RPS6KA6: variants seen among roughly 807,000 people sequenced by gnomAD.
The protein encoded by RPS6KA6 is ribosomal protein S6 kinase alpha-6.
Under a neutral mutation model 65.4 loss-of-function variants are expected in RPS6KA6, and 27 were observed. The observed-to-expected ratio is 0.41, with a 90% confidence interval of 0.30 to 0.57. The LOEUF (loss-of-function observed/expected upper bound fraction) is 0.57, where lower values mean the gene tolerates loss of function less well. Among genes scored for constraint, RPS6KA6 ranks in the 20% least tolerant of loss-of-function variants. The pLI, the probability that RPS6KA6 is intolerant of heterozygous loss-of-function variation, is 0.24. For synonymous variants in RPS6KA6, 190 were observed against 184.2 expected (o/e 1.03, Z -0.26); for missense variants, 486 against 555.6 (o/e 0.87, Z 1.26).
At chrX:84,082,767 G>A (rs1389942379) in intron 20 of RPS6KA6, among the ~76,000 whole-genome samples, 1 of 111,192 alleles carries the variant, frequency 9.0e-6, no homozygotes, top group African/African-American at 3.3e-5. Context: ...CAACGAAACA[G>A]AACAGGGGCC....
At chrX:84,083,600 T>C (rs1303374353) in intron 20 of RPS6KA6, among the ~76,000 whole-genome samples, 1 of 112,616 alleles carries the variant, frequency 8.9e-6, no homozygotes, top group African/African-American at 3.2e-5. Flanking sequence ...ATGTACCACA[T>C]TTTCTTTATC....
intron 20 of RPS6KA6, among the ~76,000 whole-genome samples, chrX:84,089,674 A>C (rs1484226445): frequency 9.0e-6 from 1 of 110,736 alleles, no homozygotes; most frequent in Non-Finnish European, 1.9e-5. Context: ...GGGGTCACAC[A>C]ATCGCTCACC....
chrX:84,080,908 AAAG>A (rs1256835831), intron 20 of RPS6KA6, among the ~76,000 whole-genome samples: 1 of 111,778 alleles, frequency 8.9e-6, no homozygotes, highest in Non-Finnish European at 1.9e-5. Flanking sequence ...AGGCAGAAAT[AAAG>A]AAGTTCTTTG....
In RPS6KA6 at chrX:84,082,428, T is replaced by G. The variant is rs151181734; in HGVS notation, c.1971+13766A>C. On this transcript the variant is annotated intron_variant, in intron 20 of 21. Transcript: ENST00000262752. ...CTCTTCAAGGAGAACTATAAACCACTGCTCAAGGAAATAAGAGAGGACACA... is the reference window on the plus strand; with the variant it reads ...CTCTTCAAGGAGAACTATAAACCACGGCTCAAGGAAATAAGAGAGGACACA... 3.4e-3 allele frequency among the ~76,000 whole-genome samples: 375 copies of G among 111,561 alleles called. 2 individuals are homozygous for G. Among genetic ancestry groups the G allele is most frequent in the East Asian group, 8.7e-3 (31 of 3,549 alleles).
At chrX:84,097,878 TACTC>T (rs2034187738) in intron 18 of RPS6KA6, 30 bp from the exon 19 acceptor site, 10 of 987,005 alleles carry the variant, frequency 1.0e-5, no homozygotes, top group African/African-American at 1.9e-5. Flanking sequence ...TATATGGTGT[TACTC>T]AATATAAACT....
chrX:84,100,282 A>G (rs2034234182), intron 18 of RPS6KA6, among the ~76,000 whole-genome samples: 1 of 111,052 alleles, frequency 9.0e-6, no homozygotes, highest in South Asian at 3.7e-4. Flanking sequence ...GTCTTACTAC[A>G]GTGTACGTCT....
At chrX:84,146,225 A>G (rs774758771) in intron 5 of RPS6KA6, among the ~76,000 whole-genome samples, 1 of 111,686 alleles carries the variant, frequency 9.0e-6, no homozygotes, top group Non-Finnish European at 1.9e-5. Context: ...TTCTGTTAGT[A>G]TAACAAGGAG....
In RPS6KA6 at chrX:84,166,147, G is replaced by A. The variant is rs763790648; in HGVS notation, c.82-1760C>T. Among the ~76,000 whole-genome samples the A allele has an allele frequency of 2.7e-5, 3 of 112,032 alleles. No individual in the cohort carries two copies. The East Asian group carries it at 8.4e-4, about 31-fold the overall frequency. Reference sequence around the variant, plus strand: ...CAATGAGTGGCACATGCAGAGTGCTGACCCAAACTCTCTGAAAACTGAATT... The same window carrying A: ...CAATGAGTGGCACATGCAGAGTGCTAACCCAAACTCTCTGAAAACTGAATT... On this transcript the variant is annotated intron_variant, in intron 1 of 21. Coordinates refer to ENST00000262752, the MANE Select transcript of RPS6KA6 (RefSeq NM_014496.5).
chrX:84,170,368 G>A (rs1044274511), intron 1 of RPS6KA6, among the ~76,000 whole-genome samples: 3 of 110,523 alleles, frequency 2.7e-5, no homozygotes, highest in Middle Eastern at 4.6e-3. Context: ...AGTGGCTCAC[G>A]TCTGTAATCC....
intron 20 of RPS6KA6, among the ~76,000 whole-genome samples, chrX:84,084,566 A>G (rs982488297): frequency 3.6e-5 from 4 of 111,856 alleles, no homozygotes; most frequent in Non-Finnish European, 7.5e-5. Flanking sequence ...CCATTGGTCT[A>G]TGTGTCTGTT....
intron 8 of RPS6KA6, among the ~76,000 whole-genome samples, chrX:84,124,029 G>T (rs949744368): frequency 9.0e-6 from 1 of 110,933 alleles, no homozygotes; most frequent in African/African-American, 3.3e-5. Flanking sequence ...TAATGGAAAA[G>T]AATGAGGTTC....
chrX:84,109,673 G>C (rs1223870528), intron 12 of RPS6KA6, among the ~76,000 whole-genome samples: 2 of 110,405 alleles, frequency 1.8e-5, no homozygotes, highest in Non-Finnish European at 3.8e-5. Flanking sequence ...ATGTACCCTA[G>C]GACTCCCACT....
At position 84,187,963 on chromosome X, in the gene RPS6KA6, C is replaced by T; in HGVS notation, c.-64G>A. The T allele has an allele frequency of 1.0e-6, 1 of 989,771 alleles. No individual in the cohort carries two copies. The highest frequency in any genetic ancestry group is 1.4e-6 in the Non-Finnish European group (1 of 739,614). The allele number at this position is 989,771 out of a possible 1,213,427, so 81.6% of individuals were successfully genotyped here. A position where few individuals can be genotyped will look rare whatever the true frequency, so the allele number is the denominator to read the frequency against. On this transcript the variant is annotated 5_prime_UTR_variant, in exon 1 of 22. Transcript: ENST00000262752. The stretch of plus-strand genomic sequence containing the variant: ...CCGCTGGCGCGGCCGCGCATCCTGT[C>T]TATTGAACTGGCCCGCCGCCGCCGC...
chrX:84,099,387 C>T (rs1029336752), intron 18 of RPS6KA6, among the ~76,000 whole-genome samples: 1 of 111,010 alleles, frequency 9.0e-6, no homozygotes, highest in Non-Finnish European at 1.9e-5. Context: ...ATGTTTCACA[C>T]CTTTTTACTT....
At chrX:84,110,740 C>T (rs1008885870) in intron 12 of RPS6KA6, among the ~76,000 whole-genome samples, 9 of 111,202 alleles carry the variant, frequency 8.1e-5, no homozygotes, top group African/African-American at 2.9e-4. Context: ...TAATATGTGA[C>T]AGCTTCTACA....
chrX:84,098,043 G>GA (rs1437899888), intron 18 of RPS6KA6, among the ~76,000 whole-genome samples, 195 bp from the exon 19 acceptor site: 5 of 111,031 alleles, frequency 4.5e-5, no homozygotes, highest in African/African-American at 1.6e-4. Flanking sequence ...ACCAGATATA[G>GA]AGAAATCTAA....
chrX:84,097,859 A>G lies in RPS6KA6; in HGVS notation c.1777-11T>C, dbSNP rs2034186937. 1 of 1,128,835 alleles carries G rather than the reference A, an allele frequency of 8.9e-7. No individual in the cohort carries two copies. Among genetic ancestry groups the G allele is most frequent in the Admixed American group, 2.3e-5 (1 of 44,338 alleles). The allele number at this position is 1,128,835 out of a possible 1,213,427, so 93.0% of individuals were successfully genotyped here. A position where few individuals can be genotyped will look rare whatever the true frequency, so the allele number is the denominator to read the frequency against. ...CTGTTGCATAAGAACCTAAGAAAGA[A>G]ATACTCATTATATGGTGTTACTCAA... On this transcript the variant is annotated splice_polypyrimidine_tract_variant and intron_variant, in intron 18 of 21. Coordinates refer to ENST00000262752, the MANE Select transcript of RPS6KA6 (RefSeq NM_014496.5).
intron 20 of RPS6KA6, among the ~76,000 whole-genome samples, chrX:84,076,507 G>GTT (rs1208366134): frequency 9.0e-6 from 1 of 111,670 alleles, no homozygotes; most frequent in African/African-American, 3.2e-5. Flanking sequence ...GAAAATAAAC[G>GTT]TAATTCAAAT....
chrX:84,100,129 G>C (rs1051450611), intron 18 of RPS6KA6, among the ~76,000 whole-genome samples: 7 of 110,944 alleles, frequency 6.3e-5, no homozygotes, highest in African/African-American at 2.0e-4. Flanking sequence ...TTGATTCCTA[G>C]CATGGGCTTC....
Sources: gnomAD v4.1 joint callset for allele counts (sites outside exome capture counted in the v4.1 genomes callset) on GRCh38, gnomAD v4.1.1 for gene constraint, MANE v1.5 for transcripts, NCBI Gene and HGNC (gene_info 2026-07-23, HGNC 2026-07-21) for gene names.